Variants in ATP13A5 observed in about 807,000 individuals in gnomAD.
ATP13A5 encodes the protein probable cation-transporting ATPase 13A5.
In ATP13A5, 149 loss-of-function variants were observed where a neutral mutation model predicts 150.2. The observed-to-expected ratio is 0.99, with a 90% CI of 0.87 to 1.14. The LOEUF (loss-of-function observed/expected upper bound fraction) is 1.14. ATP13A5 is among the 50% of genes most tolerant of loss of function. ATP13A5 has a pLI of 0.00. For missense variants in ATP13A5, 1,383 were observed against 1,449.3 expected (o/e 0.95, Z 0.74); for synonymous variants, 497 against 522.2 (o/e 0.95, Z 0.66).
chr3:193,322,270 C>G (rs1719308937), intron 15 of ATP13A5, among the ~76,000 whole-genome samples: 2 of 152,156 alleles, frequency 1.3e-5, no homozygotes, highest in Admixed American at 1.3e-4. Context: ...TGTTTTGAAG[C>G]CTCTTTATCT....
intron 22 of ATP13A5, chr3:193,306,979 AGG>A: frequency 2.5e-6 from 1 of 406,452 alleles, no homozygotes; most frequent in Admixed American, 6.4e-5. Context: ...TGACCTTGGG[AGG>A]GGGGAAGAAA....
intron 25 of ATP13A5, among the ~76,000 whole-genome samples, chr3:193,297,167 C>T (rs1718206515): frequency 6.6e-6 from 1 of 151,996 alleles, no homozygotes; most frequent in African/African-American, 2.4e-5. Context: ...TAAGTCCTTT[C>T]TTCTTGTTGC....
At chr3:193,296,121 C>T (rs1369814845) in intron 25 of ATP13A5, among the ~76,000 whole-genome samples, 1 of 152,038 alleles carries the variant, frequency 6.6e-6, no homozygotes, top group African/African-American at 2.4e-5. Context: ...ATGAATGTGG[C>T]AGCCTGCTGG....
chr3:193,354,302 G>T (rs1026701882), intron 5 of ATP13A5, 106 bp from the exon 6 acceptor site: 5 of 998,000 alleles, frequency 5.0e-6, no homozygotes, highest in South Asian at 1.6e-5. Context: ...GAGATTTTGT[G>T]ACTTTGATTA....
chr3:193,352,616 T>C (rs891989364), intron 6 of ATP13A5, among the ~76,000 whole-genome samples: 1 of 152,182 alleles, frequency 6.6e-6, no homozygotes, highest in Non-Finnish European at 1.5e-5. Context: ...ACTTGACGTT[T>C]AAAAAGCTGC....
intron 11 of ATP13A5, among the ~76,000 whole-genome samples, chr3:193,333,172 AACACAC>A (rs57775933): frequency 2.8e-5 from 4 of 143,188 alleles, no homozygotes; most frequent in African/African-American, 5.1e-5. Context: ...CACACACACA[AACACAC>A]ACACACACAC....
At chr3:193,321,219 A>G (rs570889947) in intron 16 of ATP13A5, among the ~76,000 whole-genome samples, 49 of 152,278 alleles carry the variant, frequency 3.2e-4, no homozygotes, top group Admixed American at 7.8e-4. Context: ...GCTGCCTCCC[A>G]GCCTTGAAAT....
rs527309714 is a variant in ATP13A5 at position 193,316,469 on chromosome 3, A to G, written c.2034-1373T>C. ...ATTTTACAAAGGTTCTAATTTCTCT[A>G]TATCCTTGTCAACTTGTTCTTTTGT... On this transcript the variant is annotated intron_variant, in intron 17 of 29. Transcript: ENST00000342358. Among the ~76,000 whole-genome samples the G allele has an allele frequency of 7.2e-4, 110 of 152,152 alleles. 1 individual carries two copies. In the South Asian group the frequency reaches 0.016, roughly 23 times the overall value.
At chr3:193,311,161 C>T (rs1423537972) in intron 20 of ATP13A5, among the ~76,000 whole-genome samples, 1 of 152,314 alleles carries the variant, frequency 6.6e-6, no homozygotes, top group East Asian at 1.9e-4. Context: ...AGATTAATAT[C>T]TCTGAGTCTC....
At chr3:193,336,297 T>C (rs1711857184) in intron 9 of ATP13A5, among the ~76,000 whole-genome samples, 1 of 152,214 alleles carries the variant, frequency 6.6e-6, no homozygotes, top group Admixed American at 6.5e-5. Flanking sequence ...TGCAGGTTTG[T>C]TACATATGTA....
chr3:193,299,693 G>A (rs957936310), intron 24 of ATP13A5, among the ~76,000 whole-genome samples: 5 of 152,132 alleles, frequency 3.3e-5, no homozygotes, highest in Non-Finnish European at 5.9e-5. Flanking sequence ...TAAGCCCATT[G>A]CAGAATTCAG....
chr3:193,276,873 C>A, intron 28 of ATP13A5, 43 bp from the exon 29 acceptor site: 1 of 1,391,066 alleles, frequency 7.2e-7, no homozygotes, highest in Non-Finnish European at 1.0e-6. Flanking sequence ...GCACACTTCA[C>A]ACTTTGAAAA....
intron 19 of ATP13A5, 138 bp from the exon 20 acceptor site, chr3:193,312,079 G>T: frequency 9.1e-7 from 1 of 1,099,174 alleles, no homozygotes; most frequent in Non-Finnish European, 1.3e-6. Flanking sequence ...TTTGCCTATA[G>T]CAGTTCTACC....
intron 28 of ATP13A5, among the ~76,000 whole-genome samples, chr3:193,278,177 T>C (rs942673239): frequency 4.6e-5 from 7 of 152,304 alleles, no homozygotes; most frequent in African/African-American, 1.7e-4. Flanking sequence ...CCACACCTTA[T>C]TCATCTTTGT....
intron 23 of ATP13A5, among the ~76,000 whole-genome samples, chr3:193,301,746 A>G (rs1718403008): frequency 6.6e-6 from 1 of 152,180 alleles, no homozygotes; most frequent in African/African-American, 2.4e-5. Context: ...TGTGTGCTTT[A>G]GAGGTCCTTG....
In ATP13A5 at chr3:193,364,115, T is replaced by A. The variant is rs1246381351; in HGVS notation, c.229A>T (p.Arg77Trp). 15 of 1,613,914 alleles carry A rather than the reference T, an allele frequency of 9.3e-6. No individual in the cohort carries two copies. Among genetic ancestry groups the A allele is most frequent in the Non-Finnish European group, 1.1e-5 (13 of 1,179,930 alleles). The change falls in exon 2 of 30, where the codon AGG becomes TGG. Residue 77 changes from arginine to tryptophan, a missense_variant. Around this residue, in one of 3 missense-constraint regions of ATP13A5, gnomAD observed 787 missense variants for 771.9 expected, o/e 1.02. Coordinates refer to ENST00000342358, the MANE Select transcript of ATP13A5 (RefSeq NM_198505.4). ...AACAGAAAGGCACGCACTGTTGTCC[T>A]CAGCAAAACAGTGTCTGCTTCTTGC... The part of the protein sequence containing the change: ...PLQEADTVLL[R>W]TTDEFQRYMR...
rs1248425296 is a variant in ATP13A5, at chr3:193,335,230, A to G, written c.944-131T>C. The G allele has an allele frequency of 3.9e-6, 3 of 763,222 alleles. No individual in the cohort carries two copies. In the Admixed American group the frequency reaches 7.2e-5, roughly 18 times the overall value. 47.3% of individuals were successfully genotyped at this position (763,222 alleles called of 1,614,324 possible). On this transcript the variant is annotated intron_variant, in intron 9 of 29. Coordinates refer to ENST00000342358, the MANE Select transcript of ATP13A5 (RefSeq NM_198505.4). ...TAATGCCCATCCCATGAGTCAGATG[A>G]CTGTTCATAGAGATGCTGGTGGTAC...
chr3:193,277,610 T>A (rs1339455184), intron 28 of ATP13A5: 2 of 152,218 alleles, frequency 1.3e-5, no homozygotes, highest in Non-Finnish European at 2.9e-5. Context: ...TATTTCAAAG[T>A]AATACTTTGT....
chr3:193,333,534 A>T (rs1442011109), intron 11 of ATP13A5, among the ~76,000 whole-genome samples: 2 of 152,224 alleles, frequency 1.3e-5, no homozygotes, highest in African/African-American at 2.4e-5. Flanking sequence ...TAACCAGAAC[A>T]CATGGGAAAC....
Sources: allele counts gnomAD v4.1 joint callset (sites outside exome capture counted in the v4.1 genomes callset), GRCh38; gene constraint gnomAD v4.1.1; regional missense constraint gnomAD v4.1.1; transcripts MANE v1.5; gene names NCBI Gene and HGNC (gene_info 2026-07-23, HGNC 2026-07-21).